The following USP40 variants were observed in gnomAD, a reference collection of about 807,000 sequenced individuals.
USP40 encodes the protein ubiquitin specific peptidase 40.
A neutral mutation model predicts 166.2 loss-of-function variants in USP40; 143 were observed. The ratio of observed to expected loss-of-function variants is 0.86; its 90% CI spans 0.75 to 0.99. The LOEUF (loss-of-function observed/expected upper bound fraction) is 0.99. Ranked by LOEUF, USP40 falls within the 50% of genes least tolerant of loss-of-function variation. The probability of loss-of-function intolerance (pLI) is 0.00; values close to 1 mark genes in which losing one functional copy is unlikely to be tolerated. For missense variants in USP40, 1,444 were observed against 1,479.7 expected (o/e 0.98, Z 0.40); for synonymous variants, 498 against 524.0 (o/e 0.95, Z 0.68).
chr2:233,549,674 A>C lies in USP40; in HGVS notation c.838-445T>G, dbSNP rs77141858. 9.4e-3 allele frequency among the ~76,000 whole-genome samples: 1,429 copies of C among 152,026 alleles called. 19 individuals are homozygous for C. The highest frequency in any genetic ancestry group is 0.033 in the African/African-American group (1,354 of 41,472). ...TTTTATTGATATATATCTAGTTGAA[A>C]TTGTCCTCTATTTCAACTAGGTTGT... On this transcript the variant is annotated intron_variant, in intron 7 of 31. Transcript: ENST00000678225.
intron 17 of USP40, among the ~76,000 whole-genome samples, chr2:233,520,324 T>C (rs2125209895): frequency 6.6e-6 from 1 of 152,184 alleles, no homozygotes; most frequent in Non-Finnish European, 1.5e-5. Context: ...AGGTACTAGA[T>C]CTTCTGAACT....
chr2:233,560,864 G>A, intron 3 of USP40: 2 of 578,242 alleles, frequency 3.5e-6, no homozygotes, highest in Non-Finnish European at 6.3e-6. Flanking sequence ...ATAGACTTCT[G>A]GGGGAAGCTA....
At chr2:233,503,366 A>G (rs1421380481) in intron 21 of USP40, among the ~76,000 whole-genome samples, 1 of 152,198 alleles carries the variant, frequency 6.6e-6, no homozygotes, top group African/African-American at 2.4e-5. Flanking sequence ...ATTTAATTAA[A>G]TAATAGGTGA....
rs1219205669 is a variant in USP40 at position 233,511,926 on chromosome 2, GAC to G, written c.2438-131_2438-130del. The G allele has an allele frequency of 2.9e-5, 20 of 695,188 alleles. No individual in the cohort carries two copies. The East Asian group carries it at 5.2e-4, about 18-fold the overall frequency. The allele number at this position is 695,188 out of a possible 1,614,324, so 43.1% of individuals were successfully genotyped here. A position where few individuals can be genotyped will look rare whatever the true frequency, so the allele number is the denominator to read the frequency against. On this transcript the variant is annotated intron_variant, in intron 19 of 31. Coordinates refer to ENST00000678225, the MANE Select transcript of USP40 (RefSeq NM_001365479.2). ...AAGAAGAAAAATGAGTTGCACTTCA[GAC>G]AAAAGGATTACATGCACTAAGATTA... is the stretch of plus-strand genomic sequence containing the variant.
chr2:233,512,740 G>T, intron 18 of USP40, 118 bp from the exon 19 acceptor site: 1 of 460,118 alleles, frequency 2.2e-6, no homozygotes, highest in East Asian at 3.8e-5. Context: ...AAAGAGAGAT[G>T]CTCTATTGTG....
rs535491058 is a variant in USP40, at chr2:233,490,244, A to G, written c.3013-761T>C. Among the ~76,000 whole-genome samples, 3 of 147,432 alleles carry G rather than the reference A, an allele frequency of 2.0e-5. No homozygotes were observed. The East Asian group carries it at 5.9e-4, about 29-fold the overall frequency. On this transcript the variant is annotated intron_variant, in intron 26 of 31. Transcript: ENST00000678225. ...AGTGGCGCAATCTCAGCTCATTGCAACCTCCCTGTCCTGGGTTCAAGTGAT... is the reference window on the plus strand; with the variant it reads ...AGTGGCGCAATCTCAGCTCATTGCAGCCTCCCTGTCCTGGGTTCAAGTGAT...
chr2:233,542,099 C>A (rs373786382), intron 9 of USP40, among the ~76,000 whole-genome samples, 169 bp downstream of exon 9: 3 of 152,188 alleles, frequency 2.0e-5, no homozygotes, highest in Admixed American at 6.5e-5. Context: ...AAAATCCCCA[C>A]AAACATCATT....
In USP40 at chr2:233,493,016, GATTGGAAGA is replaced by G. The variant is rs2065448076; in HGVS notation, c.2917+400_2917+408del. The G allele has an allele frequency of 1.9e-5, 4 of 211,128 alleles. No homozygotes were observed. The highest frequency in any genetic ancestry group is 1.0e-4 in the Admixed American group (2 of 19,120). 13.1% of individuals were successfully genotyped at this position (211,128 alleles called of 1,614,324 possible). A position where few individuals can be genotyped will look rare whatever the true frequency, so the allele number is the denominator to read the frequency against. On this transcript the variant is annotated intron_variant, in intron 25 of 31. Transcript: ENST00000678225. This position sits in a 1 kb window ranked among gnomAD's most constrained non-coding sequence, Gnocchi z 4.7. ...GTTCCTGAGGGTTTTGAGGCAGAAA[GATTGGAAGA>G]CATGTAGGATGTGGACTCCTGGTCT... is the stretch of plus-strand genomic sequence containing the variant.
intron 11 of USP40, among the ~76,000 whole-genome samples, chr2:233,531,834 T>C (rs1255876540): frequency 6.6e-6 from 1 of 152,212 alleles, no homozygotes; most frequent in African/African-American, 2.4e-5. Flanking sequence ...GGTTTTTAAC[T>C]TTTGAGCGGA....
rs140846250 is a variant in USP40, at chr2:233,514,817, T to G, written c.2384-2195A>C. Among the ~76,000 whole-genome samples the G allele has an allele frequency of 5.1e-3, 776 of 152,344 alleles. 6 individuals carry two copies. The highest frequency in any genetic ancestry group is 0.017 in the African/African-American group (714 of 41,576). On this transcript the variant is annotated intron_variant, in intron 18 of 31. Transcript: ENST00000678225. ...ACATCTGGTTTAAATGTACAGTTAA[T>G]AGTTTGATAAGTACCTAAACATCTG...
At chr2:233,481,139 A>G (rs768237487) in intron 31 of USP40, 64 bp downstream of exon 31, 21 of 1,431,936 alleles carry the variant, frequency 1.5e-5, no homozygotes, top group Non-Finnish European at 1.9e-5. Flanking sequence ...GTTTCCAAGC[A>G]GGAATAAGAG....
intron 26 of USP40, 137 bp from the exon 27 acceptor site, chr2:233,489,620 T>A (rs1217844221): frequency 3.8e-5 from 27 of 712,162 alleles, no homozygotes; most frequent in Non-Finnish European, 5.8e-5. Flanking sequence ...AACATCATTT[T>A]AAAAGTCACA....
rs771224578 is a variant in USP40 at position 233,556,878 on chromosome 2, A to G, written c.523T>C (p.Cys175Arg). Residue 175 changes from cysteine to arginine, a missense_variant, in exon 5 of 32, where the codon TGT becomes CGT. Transcript: ENST00000678225. The stretch of plus-strand genomic sequence containing the variant: ...ACCTGCCTCTCGCTAACGTTCTTAC[A>G]TTCTTTACAAACAATCTGGTTAACA... ...TIVNQIVCKE[C>R]KNVSERQEDF... 52 of 1,611,712 alleles carry G rather than the reference A, an allele frequency of 3.2e-5. No homozygotes were observed. The East Asian group carries it at 1.1e-3, about 34-fold the overall frequency.
intron 21 of USP40, among the ~76,000 whole-genome samples, chr2:233,501,475 A>G (rs1057348087): frequency 3.9e-5 from 6 of 152,230 alleles, no homozygotes; most frequent in African/African-American, 1.4e-4. Context: ...AACTTTTTAT[A>G]AGAACAGACC....
intron 3 of USP40, among the ~76,000 whole-genome samples, chr2:233,562,524 A>G (rs1324185093): frequency 7.2e-6 from 1 of 139,184 alleles, no homozygotes; most frequent in East Asian, 2.3e-4. Flanking sequence ...ATGAGAACAC[A>G]TGGACACAGG....
intron 4 of USP40, among the ~76,000 whole-genome samples, chr2:233,557,227 G>C (rs1009643334): frequency 6.6e-6 from 1 of 152,168 alleles, no homozygotes; most frequent in African/African-American, 2.4e-5. Flanking sequence ...AACAGGCTGG[G>C]TTCAGTGTGT....
chr2:233,507,366 T>A (rs1165557707), intron 21 of USP40, among the ~76,000 whole-genome samples: 1 of 152,218 alleles, frequency 6.6e-6, no homozygotes, highest in Non-Finnish European at 1.5e-5. Flanking sequence ...AAGAGATATC[T>A]GCACTCCCAT....
At chr2:233,522,727 A>G (rs1450337946) in intron 16 of USP40, among the ~76,000 whole-genome samples, 2 of 152,224 alleles carry the variant, frequency 1.3e-5, no homozygotes, top group Non-Finnish European at 2.9e-5. Flanking sequence ...AGAACGGATT[A>G]TAAGGAAACA....
chr2:233,498,204 A>G (rs1169459099), intron 23 of USP40, among the ~76,000 whole-genome samples: 1 of 152,182 alleles, frequency 6.6e-6, no homozygotes, highest in Non-Finnish European at 1.5e-5. Context: ...CTGAGATCAA[A>G]ACATTCAGGG....
Sources: allele counts gnomAD v4.1 joint callset (sites outside exome capture counted in the v4.1 genomes callset), GRCh38; gene constraint gnomAD v4.1.1; non-coding constraint Gnocchi (gnomAD v3.1); transcripts MANE v1.5; gene names NCBI Gene and HGNC (gene_info 2026-07-23, HGNC 2026-07-21).